Variants in EPB41 observed in about 807,000 individuals in gnomAD.
The protein encoded by EPB41 is erythrocyte membrane protein band 4.1, also known as protein 4.1.
EPB41 carries 65 observed loss-of-function variants against 108.0 expected under a neutral mutation model. That is an observed-to-expected ratio of 0.60 (90% CI 0.49 to 0.74). The LOEUF is 0.74. EPB41 is among the 30% of genes least tolerant of loss of function. The pLI is 0.00. For synonymous variants in EPB41, 336 were observed against 358.9 expected (o/e 0.94, Z 0.72); for missense variants, 875 against 1,037.0 (o/e 0.84, Z 2.15).
intron 5 of EPB41, among the ~76,000 whole-genome samples, chr1:29,012,421 G>A (rs1170464878): frequency 1.3e-5 from 2 of 152,152 alleles, no homozygotes; most frequent in African/African-American, 4.8e-5. Flanking sequence ...AAAAAGAATG[G>A]AAAGACAAGA....
At chr1:29,008,900 T>C (rs2096455547) in intron 4 of EPB41, among the ~76,000 whole-genome samples, 1 of 152,228 alleles carries the variant, frequency 6.6e-6, no homozygotes, top group Admixed American at 6.5e-5. Flanking sequence ...CTAACTCATT[T>C]GTCCTTCAAG....
chr1:29,058,510 C>A, intron 12 of EPB41, 79 bp from the exon 13 acceptor site: 2 of 1,269,642 alleles, frequency 1.6e-6, no homozygotes, highest in Non-Finnish European at 2.3e-6. Flanking sequence ...CTTAAAGATG[C>A]AGCTTATTTG....
chr1:29,053,283 G>A lies in EPB41; in HGVS notation c.1816G>A (p.Ala606Thr), dbSNP rs750266916. 1.2e-6 allele frequency: 2 copies of A among 1,614,200 alleles called. No homozygotes were observed. The highest frequency in any genetic ancestry group is 4.5e-5 in the East Asian group (2 of 44,880). Reference sequence around the variant, plus strand: ...AAAGGAAGACGAGCCACCTGAGCAAGCTGAGCCAGAGCCCACAGAAGCATG... The same window carrying A: ...AAAGGAAGACGAGCCACCTGAGCAAACTGAGCCAGAGCCCACAGAAGCATG... ...VKKEDEPPEQ[A>T]EPEPTEAWKV... The change falls in exon 12 of 21, where the codon GCT becomes ACT. Residue 606 changes from alanine (A) to threonine (T), a missense_variant. By Grantham distance (58) the Ala-to-Thr change is moderately conservative. Around this residue, in one of 3 missense-constraint regions of EPB41, gnomAD observed 519 missense variants for 627.3 expected, o/e 0.83. Coordinates refer to ENST00000343067, the MANE Select transcript of EPB41 (RefSeq NM_001376013.1).
intron 15 of EPB41, 66 bp downstream of exon 15, chr1:29,060,550 C>A: frequency 7.1e-7 from 1 of 1,410,924 alleles, no homozygotes. Flanking sequence ...TTGCTGATCC[C>A]CTTTTCTTCA....
At chr1:29,054,400 A>G (rs1044371581) in intron 12 of EPB41, 4 of 152,194 alleles carry the variant, frequency 2.6e-5, no homozygotes, top group African/African-American at 9.7e-5. Flanking sequence ...AAGAAATTAA[A>G]AAAAATTTTT....
chr1:29,113,020 A>G (rs1320551445), intron 19 of EPB41, among the ~76,000 whole-genome samples: 1 of 152,132 alleles, frequency 6.6e-6, no homozygotes, highest in Non-Finnish European at 1.5e-5. Context: ...CTACATCTCT[A>G]ACTTGCTGTG....
rs1254123007 is a variant in EPB41, at chr1:29,012,884, C to T, written c.829+977C>T. On this transcript the variant is annotated intron_variant, in intron 5 of 20. Coordinates refer to ENST00000343067, the MANE Select transcript of EPB41 (RefSeq NM_001376013.1). ...GTTTTAAAATGCAAGTCAGAGCAAA[C>T]AAATATTCAGAATATTTGAGACACC... Among the ~76,000 whole-genome samples, 6 of 152,222 alleles carry T rather than the reference C, an allele frequency of 3.9e-5. No homozygotes were observed. In the East Asian group the frequency reaches 1.2e-3, roughly 29 times the overall value.
intron 5 of EPB41, among the ~76,000 whole-genome samples, chr1:29,012,953 T>G (rs1166211158): frequency 1.3e-5 from 2 of 152,180 alleles, no homozygotes; most frequent in Non-Finnish European, 2.9e-5. Context: ...GAAAATACTT[T>G]TAATATGAAA....
chr1:28,928,337 C>T (rs1248646902), intron 1 of EPB41, among the ~76,000 whole-genome samples: 1 of 152,132 alleles, frequency 6.6e-6, no homozygotes, highest in Non-Finnish European at 1.5e-5. Context: ...AATTCTTTAT[C>T]TTACCAGCCT....
chr1:28,960,840 C>G (rs2095180984), intron 1 of EPB41, among the ~76,000 whole-genome samples: 1 of 151,976 alleles, frequency 6.6e-6, no homozygotes, highest in East Asian at 1.9e-4. Context: ...CAAGACCAGC[C>G]TGGCCAACAT....
chr1:29,032,469 C>G (rs1002305412), intron 8 of EPB41, among the ~76,000 whole-genome samples: 1 of 152,074 alleles, frequency 6.6e-6, no homozygotes, highest in Non-Finnish European at 1.5e-5. Flanking sequence ...CGTGTAGGCA[C>G]TAATATATTT....
intron 7 of EPB41, among the ~76,000 whole-genome samples, chr1:29,024,118 C>T (rs1019749509): frequency 1.3e-5 from 2 of 151,738 alleles, no homozygotes; most frequent in East Asian, 1.9e-4. Context: ...AGGTGGATCA[C>T]GAGGTCAAGA....
intron 1 of EPB41, among the ~76,000 whole-genome samples, chr1:28,921,939 TA>T: frequency 3.7e-5 from 1 of 27,366 alleles, no homozygotes; most frequent in South Asian, 1.2e-3. Context: ...TATGAAATTT[TA>T]TATATATATA....
chr1:28,897,600 A>AAGGGGAGGGG, intron 1 of EPB41, among the ~76,000 whole-genome samples: 1 of 78,418 alleles, frequency 1.3e-5, no homozygotes, highest in Non-Finnish European at 2.3e-5. Context: ...AAGGGAAGGG[A>AAGGGGAGGGG]AGGGGAGGGG....
intron 2 of EPB41, among the ~76,000 whole-genome samples, chr1:28,991,340 T>C (rs1380045791): frequency 2.0e-5 from 3 of 151,846 alleles, no homozygotes; most frequent in Non-Finnish European, 4.4e-5. Flanking sequence ...AAACCTACCA[T>C]GTGTGCCAGG....
intron 17 of EPB41, among the ~76,000 whole-genome samples, chr1:29,107,207 T>G (rs1667509344): frequency 6.6e-6 from 1 of 151,570 alleles, no homozygotes; most frequent in Non-Finnish European, 1.5e-5. Context: ...AAATAAAAAT[T>G]TAAAAATCAA....
Position 29,039,349 on chromosome 1 carries a change from C to G in EPB41, c.1559C>G (p.Ala520Gly). 1 of 1,614,186 alleles carries G rather than the reference C, an allele frequency of 6.2e-7. No individual in the cohort carries two copies. Among genetic ancestry groups the G allele is most frequent in the Non-Finnish European group, 8.5e-7 (1 of 1,180,046 alleles). ...SGRTQAQTRQ[A>G]SALIDRPAPH... ...CGGACTCAAGCTCAGACCAGGCAAG[C>G]TAGTGCTCTAATTGACAGGCCTGCC... The change falls in exon 11 of 21, where the codon GCT becomes GGT. Residue 520 changes from alanine (A) to glycine (G), a missense_variant. Around this residue, in one of 3 missense-constraint regions of EPB41, gnomAD observed 519 missense variants for 627.3 expected, o/e 0.83. Coordinates refer to ENST00000343067, the MANE Select transcript of EPB41 (RefSeq NM_001376013.1).
chr1:29,064,438 C>A (rs1436003517), intron 15 of EPB41, among the ~76,000 whole-genome samples: 1 of 152,120 alleles, frequency 6.6e-6, no homozygotes, highest in Non-Finnish European at 1.5e-5. Context: ...CAGAAACAGC[C>A]ACCTAGTAAT....
intron 7 of EPB41, among the ~76,000 whole-genome samples, chr1:29,023,715 C>A (rs772151313): frequency 6.6e-5 from 10 of 151,644 alleles, no homozygotes; most frequent in Non-Finnish European, 1.5e-4. Flanking sequence ...AAGAAAAGCT[C>A]TTTAGGGTCC....
Sources: gnomAD v4.1 joint callset for allele counts (sites outside exome capture counted in the v4.1 genomes callset) on GRCh38, gnomAD v4.1.1 for gene constraint, gnomAD v4.1.1 regional missense constraint, MANE v1.5 for transcripts, NCBI Gene and HGNC (gene_info 2026-07-23, HGNC 2026-07-21) for gene names.